The following SBF2 variants were observed in gnomAD, a reference collection of about 807,000 sequenced individuals.
The protein encoded by SBF2 is SET binding factor 2.
A neutral mutation model predicts 225.2 loss-of-function variants in SBF2; 112 were observed. The ratio of observed to expected loss-of-function variants is 0.50; its 90% CI spans 0.43 to 0.58. SBF2 has a LOEUF of 0.58. SBF2 is among the 20% of genes least tolerant of loss of function. The pLI, the probability that SBF2 is intolerant of heterozygous loss-of-function variation, is 0.00. For synonymous variants in SBF2, 763 were observed against 773.3 expected (o/e 0.99, Z 0.22); for missense variants, 1,996 against 2,206.2 (o/e 0.90, Z 1.91).
chr11:9,807,706 T>C (rs1853930529), intron 32 of SBF2: 6 of 436,504 alleles, frequency 1.4e-5, no homozygotes, highest in South Asian at 1.3e-4. Flanking sequence ...ATTTTGTTCT[T>C]AGGTAATAAG....
rs1853254190 is a variant in SBF2 at position 9,798,231 on chromosome 11, G to A, written c.4444-2274C>T. 2.0e-5 allele frequency among the ~76,000 whole-genome samples: 3 copies of A among 152,154 alleles called. No homozygotes were observed. In the South Asian group the frequency reaches 6.2e-4, roughly 32 times the overall value. On this transcript the variant is annotated intron_variant, in intron 32 of 39. Coordinates refer to ENST00000256190, the MANE Select transcript of SBF2 (RefSeq NM_030962.4). ...CTGGGTTTGACTCTCTAGTAGGCCTGGTTCTCTGGTCTTCCTGGCTCCTTT... is the reference window on the plus strand; with the variant it reads ...CTGGGTTTGACTCTCTAGTAGGCCTAGTTCTCTGGTCTTCCTGGCTCCTTT...
rs184229840 is a variant in SBF2, at chr11:10,202,956, G to C, written c.56-8969C>G. 3.8e-4 allele frequency among the ~76,000 whole-genome samples: 57 copies of C among 151,116 alleles called. 1 individual carries two copies. The highest frequency in any genetic ancestry group is 1.2e-3 in the African/African-American group (51 of 41,220). ...CAGGCAATAGAGGACAGTGAACCCA[G>C]AGAGAAAGAAAACAAATTATGTGAG... On this transcript the variant is annotated intron_variant, in intron 1 of 39. Transcript: ENST00000256190.
intron 6 of SBF2, among the ~76,000 whole-genome samples, chr11:10,027,858 G>A (rs1338323802): frequency 6.6e-6 from 1 of 152,158 alleles, no homozygotes; most frequent in Non-Finnish European, 1.5e-5. Flanking sequence ...AGTCCCATCT[G>A]ACAAGGCTTC....
At chr11:10,294,673 A>G (rs1170335572), upstream of SBF2, among the ~76,000 whole-genome samples, 1 of 151,322 alleles carries the variant, frequency 6.6e-6, no homozygotes, top group Non-Finnish European at 1.5e-5. Context: ...TGGGAATTTT[A>G]GAAACATGCC....
chr11:9,932,945 G>A (rs1214505103), intron 16 of SBF2, among the ~76,000 whole-genome samples: 2 of 66,430 alleles, frequency 3.0e-5, no homozygotes, highest in South Asian at 5.5e-4. Flanking sequence ...GATCTACCAA[G>A]CAAACGAAAA....
chr11:9,991,139 A>C (rs1947415932), intron 12 of SBF2, among the ~76,000 whole-genome samples: 1 of 152,246 alleles, frequency 6.6e-6, no homozygotes, highest in Non-Finnish European at 1.5e-5. Flanking sequence ...TGAATTACTT[A>C]GTACAGAATC....
At chr11:10,120,472 T>C (rs1953385486) in intron 2 of SBF2, among the ~76,000 whole-genome samples, 1 of 152,188 alleles carries the variant, frequency 6.6e-6, no homozygotes, top group Admixed American at 6.5e-5. Flanking sequence ...ATTCAGTAAA[T>C]ATAATTTTTT....
At chr11:10,187,115 TACTGCCTCCAGACA>T (rs1405249182) in intron 2 of SBF2, among the ~76,000 whole-genome samples, 1 of 152,150 alleles carries the variant, frequency 6.6e-6, no homozygotes, top group Non-Finnish European at 1.5e-5. Flanking sequence ...GGATAATATA[TACTGCCTCCAGACA>T]TATCCCATAA....
intron 3 of SBF2, among the ~76,000 whole-genome samples, chr11:10,040,226 A>G (rs2134670808): frequency 6.6e-6 from 1 of 152,098 alleles, no homozygotes; most frequent in African/African-American, 2.4e-5. Flanking sequence ...AAGTGGAGAA[A>G]TCTGACAATC....
At chr11:9,974,188 C>G (rs1161260131) in intron 13 of SBF2, among the ~76,000 whole-genome samples, 1 of 152,088 alleles carries the variant, frequency 6.6e-6, no homozygotes, top group Non-Finnish European at 1.5e-5. Flanking sequence ...AACTGAATGT[C>G]TTATCCTTAA....
intron 1 of SBF2, among the ~76,000 whole-genome samples, chr11:10,277,066 T>C (rs1963005641): frequency 7.8e-6 from 1 of 128,948 alleles, no homozygotes; most frequent in Non-Finnish European, 1.5e-5. Context: ...ACCCCATCTC[T>C]ACAAAAAACT....
rs536213526 is a variant in SBF2, at chr11:9,917,652, C to T, written c.1861-21641G>A. The stretch of plus-strand genomic sequence containing the variant: ...CAGCCACAAGTTTTTATTATTCTAT[C>T]TTCCCTTCTTAATATTAGTATTCCT... On this transcript the variant is annotated intron_variant, in intron 16 of 39. Transcript: ENST00000256190. 5.5e-4 allele frequency among the ~76,000 whole-genome samples: 83 copies of T among 151,312 alleles called. 2 individuals carry two copies. Among genetic ancestry groups the T allele is most frequent in the African/African-American group, 1.9e-3 (77 of 40,874 alleles).
At chr11:9,935,801 T>C (rs1450626168) in intron 16 of SBF2, among the ~76,000 whole-genome samples, 1 of 152,140 alleles carries the variant, frequency 6.6e-6, no homozygotes, top group African/African-American at 2.4e-5. Context: ...TATATAGAAA[T>C]TAATTCAAGA....
chr11:9,833,479 G>A (rs1217112149), intron 26 of SBF2, among the ~76,000 whole-genome samples: 4 of 144,388 alleles, frequency 2.8e-5, no homozygotes, highest in South Asian at 2.2e-4. Context: ...GGAGTGCAGT[G>A]GCACGATCTC....
intron 1 of SBF2, among the ~76,000 whole-genome samples, chr11:10,228,249 C>A (rs1591263066): frequency 6.6e-6 from 1 of 152,156 alleles, no homozygotes; most frequent in Non-Finnish European, 1.5e-5. Context: ...TCTAGATATA[C>A]AATCATGTCA....
intron 1 of SBF2, among the ~76,000 whole-genome samples, chr11:10,263,016 TC>T (rs1961592970): frequency 6.6e-6 from 1 of 152,094 alleles, no homozygotes; most frequent in African/African-American, 2.4e-5. Context: ...TTATCAGTGT[TC>T]AATACAACAT....
At chr11:10,244,035 C>G (rs2135467950) in intron 1 of SBF2, among the ~76,000 whole-genome samples, 1 of 152,242 alleles carries the variant, frequency 6.6e-6, no homozygotes, top group South Asian at 2.1e-4. Flanking sequence ...AAATCTTCAA[C>G]AAAATATTAG....
chr11:10,252,788 T>C (rs546514111), intron 1 of SBF2, among the ~76,000 whole-genome samples: 4 of 148,324 alleles, frequency 2.7e-5, no homozygotes, highest in African/African-American at 1.0e-4. Flanking sequence ...GCCACTGCAC[T>C]CCAGCCTGGG....
intron 16 of SBF2, among the ~76,000 whole-genome samples, chr11:9,945,707 A>C (rs1194103291): frequency 1.3e-5 from 2 of 152,212 alleles, no homozygotes; most frequent in African/African-American, 4.8e-5. Flanking sequence ...ACAAAGGTCT[A>C]ATATTGAGAA....
Sources: gnomAD v4.1 joint callset for allele counts (sites outside exome capture counted in the v4.1 genomes callset) on GRCh38, gnomAD v4.1.1 for gene constraint, MANE v1.5 for transcripts, NCBI Gene and HGNC (gene_info 2026-07-23, HGNC 2026-07-21) for gene names.